Variants in PRDM1 observed in about 807,000 individuals in gnomAD.
PRDM1 encodes PR/SET domain 1.
A neutral mutation model predicts 62.8 loss-of-function variants in PRDM1; 13 were observed. The observed-to-expected ratio is 0.21, with a 90% CI of 0.13 to 0.33. PRDM1 has a LOEUF of 0.33. Ranked by LOEUF, PRDM1 falls within the 10% of genes least tolerant of loss-of-function variation. PRDM1 has a pLI of 1.00. For synonymous variants in PRDM1, 396 were observed against 417.6 expected (o/e 0.95, Z 0.63); for missense variants, 895 against 1,058.8 (o/e 0.85, Z 2.15).
chr6:106,095,868 G>GAC, intron 3 of PRDM1, 134 bp downstream of exon 3: 1 of 954,706 alleles, frequency 1.0e-6, no homozygotes, highest in Middle Eastern at 2.2e-4. Context: ...CATCCCCATG[G>GAC]ACACAGGGAA....
At chr6:106,085,474 C>T (rs1172296149), upstream of PRDM1, among the ~76,000 whole-genome samples, 1 of 152,162 alleles carries the variant, frequency 6.6e-6, no homozygotes, top group East Asian at 1.9e-4. Context: ...AATGCAAGGT[C>T]CACGCTCTTA....
intron 1 of PRDM1, among the ~76,000 whole-genome samples, chr6:106,053,142 T>C (rs1773206124): frequency 6.6e-6 from 1 of 152,210 alleles, no homozygotes; most frequent in Non-Finnish European, 1.5e-5. Context: ...TTAGGGAAAC[T>C]GGACTCAATT....
chr6:106,025,222 C>A (rs1224246126), intron 1 of PRDM1, among the ~76,000 whole-genome samples: 1 of 152,132 alleles, frequency 6.6e-6, no homozygotes, highest in Non-Finnish European at 1.5e-5. Flanking sequence ...TTTGAAAAAG[C>A]ACTAAAGGCC....
chr6:106,063,983 G>A (rs1159105803), intron 1 of PRDM1, among the ~76,000 whole-genome samples: 3 of 152,160 alleles, frequency 2.0e-5, no homozygotes, highest in Admixed American at 2.0e-4. Context: ...GGGTAATAAT[G>A]CCCTAGTATT....
chr6:106,095,866 T>G (rs1017751308), intron 3 of PRDM1, 132 bp downstream of exon 3: 1 of 965,184 alleles, frequency 1.0e-6, no homozygotes, highest in Non-Finnish European at 1.5e-6. Flanking sequence ...AGCATCCCCA[T>G]GGACACAGGG....
chr6:106,021,204 G>C (rs955661701), intron 1 of PRDM1, among the ~76,000 whole-genome samples: 1 of 152,220 alleles, frequency 6.6e-6, no homozygotes, highest in Non-Finnish European at 1.5e-5. Flanking sequence ...ACTGACATCA[G>C]ATTCTTCGGT....
At chr6:106,080,679 C>T (rs1333372214) in intron 1 of PRDM1, among the ~76,000 whole-genome samples, 1 of 152,218 alleles carries the variant, frequency 6.6e-6, no homozygotes, top group African/African-American at 2.4e-5. Flanking sequence ...GAGCTCTCCT[C>T]CCAGGGATCA....
At position 106,106,333 on chromosome 6, in the gene PRDM1, G is replaced by C. The variant is rs1160503631; in HGVS notation, c.1774-38G>C. ...GCAGAAATGTTAGGTCTCAGAGCCA[G>C]CTTGAGAGCAGAGCTAACACATGTG... On this transcript the variant is annotated intron_variant, in intron 5 of 6. Coordinates refer to ENST00000369096, the MANE Select transcript of PRDM1 (RefSeq NM_001198.4). This position sits in a 1 kb window ranked among gnomAD's most constrained non-coding sequence, Gnocchi z 4.4. 1.2e-6 allele frequency: 2 copies of C among 1,609,534 alleles called. No homozygotes were observed. The highest frequency in any genetic ancestry group is 1.3e-5 in the African/African-American group (1 of 74,860).
intron 1 of PRDM1, among the ~76,000 whole-genome samples, chr6:106,025,184 G>A (rs987715400): frequency 1.3e-5 from 2 of 152,212 alleles, no homozygotes; most frequent in Non-Finnish European, 2.9e-5. Flanking sequence ...TAGAGGAGGA[G>A]CAGTGGAGAT....
chr6:106,091,316 T>C (rs763487510), intron 2 of PRDM1, among the ~76,000 whole-genome samples: 4 of 152,226 alleles, frequency 2.6e-5, no homozygotes, highest in Admixed American at 6.5e-5. Context: ...AAATCCATTA[T>C]TAACTCAAGC....
chr6:106,104,463 G>A (rs547388283), intron 4 of PRDM1, among the ~76,000 whole-genome samples: 2 of 152,104 alleles, frequency 1.3e-5, no homozygotes, highest in South Asian at 2.1e-4. Flanking sequence ...CGCCCACCTC[G>A]GCCTCCCAAA....
chr6:106,093,143 T>G (rs1216886037), intron 2 of PRDM1, among the ~76,000 whole-genome samples: 7 of 152,214 alleles, frequency 4.6e-5, no homozygotes, highest in Non-Finnish European at 5.9e-5. Flanking sequence ...AAGAGCTACT[T>G]CCGGTGCTGC....
At position 106,040,087 on chromosome 6, in the gene PRDM1, G is replaced by A. The variant is rs115408397; in HGVS notation, c.-67+46448G>A. 8.0e-3 allele frequency among the ~76,000 whole-genome samples: 1,224 copies of A among 152,350 alleles called. 19 individuals carry two copies. The highest frequency in any genetic ancestry group is 0.028 in the African/African-American group (1,181 of 41,582). ...TTCCTGTGTGTTTGGGCACTGCCCA[G>A]CGAGGAAGAAATGATTAAGCAGCCA... On this transcript the variant is annotated intron_variant, in intron 1 of 6. Transcript: ENST00000652320.
In PRDM1 at chr6:106,104,943, C is replaced by T. The variant is rs760151010; in HGVS notation, c.783C>T (p.Ser261=). Residue 261 remains serine, a synonymous_variant, in exon 5 of 7, where the codon TCC becomes TCT. Coordinates refer to ENST00000369096, the MANE Select transcript of PRDM1 (RefSeq NM_001198.4). ...KEILKLDSNP[S]KGKDLYRSNI... is the part of the protein sequence containing the mutation. ...TCCTAAAATTGGACTCCAACCCCTC[C>T]AAAGGAAAGGACCTCTACCGTTCTA... is the stretch of plus-strand genomic sequence containing the variant. 1 of 1,614,122 alleles carries T rather than the reference C, an allele frequency of 6.2e-7. No homozygotes were observed. Among genetic ancestry groups the T allele is most frequent in the Non-Finnish European group, 8.5e-7 (1 of 1,180,030 alleles).
chr6:106,079,122 G>C (rs1773650990), intron 1 of PRDM1, among the ~76,000 whole-genome samples: 1 of 151,844 alleles, frequency 6.6e-6, no homozygotes, highest in African/African-American at 2.4e-5. Flanking sequence ...CACCACGTGG[G>C]CCTGGCTAAT....
At chr6:106,050,590 T>G (rs1582439373) in intron 1 of PRDM1, among the ~76,000 whole-genome samples, 1 of 152,226 alleles carries the variant, frequency 6.6e-6, no homozygotes, top group Non-Finnish European at 1.5e-5. Context: ...GCTGTCAGCT[T>G]TCTGCGCGTG....
intron 3 of PRDM1, among the ~76,000 whole-genome samples, chr6:106,096,914 C>A (rs1412337200): frequency 6.6e-6 from 1 of 152,158 alleles, no homozygotes; most frequent in Non-Finnish European, 1.5e-5. Flanking sequence ...AAAGAAACAG[C>A]TGCATGATAA....
rs1190804709 is a variant in PRDM1, at chr6:106,104,820, T to C, written c.665-5T>C. 1 of 1,604,454 alleles carries C rather than the reference T, an allele frequency of 6.2e-7. No homozygotes were observed. Among genetic ancestry groups the C allele is most frequent in the African/African-American group, 1.4e-5 (1 of 73,936 alleles). ...TGTGTAATCGCCCCTTTTTCTTTAT[T>C]TCAGCACAAACACAGAGCAGTCTAA... On this transcript the variant is annotated splice_region_variant and splice_polypyrimidine_tract_variant and intron_variant, in intron 4 of 6. Transcript: ENST00000369096.
At position 106,086,379 on chromosome 6, in the gene PRDM1, G is replaced by A. The variant is rs1773805007; in HGVS notation, c.-175G>A. On this transcript the variant is annotated 5_prime_UTR_variant, in exon 1 of 7. Transcript: ENST00000369096. ...CCGTGACACTCGGCCCTCCAGTGTT[G>A]CGGAGAGGCAAGAGCAGCGACCGCG... The A allele has an allele frequency of 1.4e-5, 8 of 576,674 alleles. No homozygotes were observed. The highest frequency in any genetic ancestry group is 1.9e-5 in the Non-Finnish European group (6 of 320,516). 35.7% of individuals were successfully genotyped at this position (576,674 alleles called of 1,614,324 possible).
Sources: gnomAD v4.1 joint callset for allele counts (sites outside exome capture counted in the v4.1 genomes callset) on GRCh38, gnomAD v4.1.1 for gene constraint, Gnocchi (gnomAD v3.1) non-coding constraint, MANE v1.5 for transcripts, NCBI Gene and HGNC (gene_info 2026-07-23, HGNC 2026-07-21) for gene names.